Variants in UACA observed in about 807,000 individuals in gnomAD.
The protein encoded by UACA is uveal autoantigen with coiled-coil domains and ankyrin repeats.
A neutral mutation model predicts 160.5 loss-of-function variants in UACA; 112 were observed. That is an observed-to-expected ratio of 0.70 (90% CI 0.60 to 0.82). The LOEUF is 0.82. UACA is among the 40% of genes least tolerant of loss of function. UACA has a pLI of 0.00. For synonymous variants in UACA, 557 were observed against 568.4 expected, an observed-to-expected ratio of 0.98 and a Z score of 0.29; for missense variants, 1,574 against 1,614.6, an observed-to-expected ratio of 0.97 and a Z score of 0.43.
At chr15:70,765,925 T>C (rs552250047), upstream of UACA, among the ~76,000 whole-genome samples, 1 of 152,242 alleles carries the variant, frequency 6.6e-6, no homozygotes, top group African/African-American at 2.4e-5. Flanking sequence ...TCTTGAGTTA[T>C]TAATTGCAGT....
At chr15:70,752,321 A>G (rs571601563) in intron 1 of UACA, among the ~76,000 whole-genome samples, 1 of 151,982 alleles carries the variant, frequency 6.6e-6, no homozygotes, top group South Asian at 2.1e-4. Flanking sequence ...AAAAGATCAG[A>G]GTGTACTGGC....
intron 1 of UACA, among the ~76,000 whole-genome samples, chr15:70,726,610 A>G (rs1393713188): frequency 6.6e-6 from 1 of 152,208 alleles, no homozygotes; most frequent in African/African-American, 2.4e-5. Flanking sequence ...ATCACATGTT[A>G]AGAAATAAAC....
chr15:70,700,318 T>TACACACACACACACAC (rs34361847), intron 1 of UACA, among the ~76,000 whole-genome samples: 26 of 139,758 alleles, frequency 1.9e-4, no homozygotes, highest in African/African-American at 7.6e-4. Context: ...TATATATATA[T>TACACACACACACACAC]ACACACACAC....
chr15:70,707,451 A>G (rs1038737341), intron 1 of UACA, among the ~76,000 whole-genome samples: 1 of 152,206 alleles, frequency 6.6e-6, no homozygotes, highest in East Asian at 1.9e-4. Flanking sequence ...ACTTCTGTGC[A>G]GCAAAAGAAA....
At chr15:70,764,864 G>C (rs1405523038), upstream of UACA, among the ~76,000 whole-genome samples, 2 of 151,974 alleles carry the variant, frequency 1.3e-5, no homozygotes, top group Admixed American at 1.3e-4. Context: ...CAGTTACTCT[G>C]TTCTCACTGC....
intron 1 of UACA, among the ~76,000 whole-genome samples, chr15:70,741,778 G>C (rs954560229): frequency 2.0e-5 from 3 of 152,066 alleles, no homozygotes; most frequent in African/African-American, 7.2e-5. Flanking sequence ...TCCTCACAAT[G>C]CAAAAGTATT....
intron 13 of UACA, among the ~76,000 whole-genome samples, chr15:70,674,379 CACACAAATTAT>C (rs1387137338): frequency 6.6e-6 from 1 of 152,144 alleles, no homozygotes; most frequent in Non-Finnish European, 1.5e-5. Context: ...GAGTATATAA[CACACAAATTAT>C]GTACAAATGT....
At chr15:70,700,935 A>G (rs1029104836) in intron 1 of UACA, among the ~76,000 whole-genome samples, 4 of 152,104 alleles carry the variant, frequency 2.6e-5, no homozygotes, top group Non-Finnish European at 1.5e-5. Context: ...TGTTTGATCA[A>G]TATAATTTTA....
chr15:70,725,136 T>C (rs907257104), intron 1 of UACA, among the ~76,000 whole-genome samples: 5 of 152,182 alleles, frequency 3.3e-5, no homozygotes, highest in African/African-American at 1.2e-4. Flanking sequence ...ATTTATCTGA[T>C]AGATTTTTGG....
At chr15:70,728,306 G>A (rs1394736519) in intron 1 of UACA, among the ~76,000 whole-genome samples, 4 of 152,192 alleles carry the variant, frequency 2.6e-5, no homozygotes, top group African/African-American at 9.6e-5. Flanking sequence ...GCTCACGCCT[G>A]TAATCCCAGC....
intron 18 of UACA, 110 bp downstream of exon 18, chr15:70,660,040 TA>T (rs1192043128): frequency 6.3e-6 from 5 of 798,836 alleles, no homozygotes; most frequent in Middle Eastern, 3.7e-4. Flanking sequence ...TAAATAAGCA[TA>T]GGGGGTGCAG....
upstream of UACA, among the ~76,000 whole-genome samples, chr15:70,766,265 A>G (rs748048683): frequency 6.6e-5 from 10 of 152,316 alleles, no homozygotes; most frequent in Admixed American, 1.3e-4. Context: ...GAAGCTGCCT[A>G]TATGAAGTAA....
At chr15:70,676,331 T>A (rs1413482570) in intron 13 of UACA, 162 bp downstream of exon 13, 1 of 529,986 alleles carries the variant, frequency 1.9e-6, no homozygotes, top group Admixed American at 3.2e-5. Context: ...AAAGAGACAA[T>A]CACCCCAGTT....
chr15:70,702,001 G>T lies in UACA; in HGVS notation c.79-2341C>A, dbSNP rs1898383270. The stretch of plus-strand genomic sequence containing the variant: ...TGTAAGCTCACAAAGCAAACTCTCA[G>T]ACAAACTCCTGACAAGTGACTCAGT... On this transcript the variant is annotated intron_variant, in intron 1 of 18. Coordinates refer to ENST00000322954, the MANE Select transcript of UACA (RefSeq NM_018003.4). 7 of 1,580,562 alleles carry T rather than the reference G, an allele frequency of 4.4e-6. No homozygotes were observed. The Admixed American group carries it at 8.8e-5, about 20-fold the overall frequency.
At chr15:70,728,575 GAA>G (rs552367044) in intron 1 of UACA, among the ~76,000 whole-genome samples, 1 of 118,290 alleles carries the variant, frequency 8.5e-6, no homozygotes, top group Non-Finnish European at 1.8e-5. Flanking sequence ...AAAAAAAAAA[GAA>G]AAAAAAAAAA....
chr15:70,755,291 T>C (rs1183412535), intron 1 of UACA, among the ~76,000 whole-genome samples: 1 of 152,040 alleles, frequency 6.6e-6, no homozygotes, highest in African/African-American at 2.4e-5. Flanking sequence ...TTTCTGAAGA[T>C]GAAACTTTCA....
chr15:70,751,894 A>T (rs115032780), intron 1 of UACA, among the ~76,000 whole-genome samples: 4,171 of 151,692 alleles, frequency 0.027, 217 homozygotes, highest in African/African-American at 0.095. Context: ...GTTAATTTTT[A>T]AAAAAAAACA....
At chr15:70,705,224 C>A (rs1566984905) in intron 1 of UACA, among the ~76,000 whole-genome samples, 1 of 151,976 alleles carries the variant, frequency 6.6e-6, no homozygotes, top group Non-Finnish European at 1.5e-5. Flanking sequence ...GAAAAACACT[C>A]TTTAAAAAAT....
At chr15:70,720,904 G>A (rs1313709744) in intron 1 of UACA, among the ~76,000 whole-genome samples, 2 of 152,158 alleles carry the variant, frequency 1.3e-5, no homozygotes, top group African/African-American at 4.8e-5. Flanking sequence ...ACAAGTTACA[G>A]CCAGCCCTGA....
Sources: allele counts gnomAD v4.1 joint callset (sites outside exome capture counted in the v4.1 genomes callset), GRCh38; gene constraint gnomAD v4.1.1; transcripts MANE v1.5; gene names NCBI Gene and HGNC (gene_info 2026-07-23, HGNC 2026-07-21).